The following TNRC6B variants were observed in gnomAD, a reference collection of about 807,000 sequenced individuals.
TNRC6B encodes trinucleotide repeat-containing gene 6B protein.
In TNRC6B, 52 loss-of-function variants were observed where a neutral mutation model predicts 203.6. The observed-to-expected ratio is 0.26, with a 90% CI of 0.20 to 0.32. TNRC6B has a LOEUF of 0.32. Among genes scored for constraint, TNRC6B ranks in the 10% least tolerant of loss-of-function variants. The pLI is 1.00. For synonymous variants in TNRC6B, 838 were observed against 845.7 expected (o/e 0.99, Z 0.16); for missense variants, 1,923 against 2,286.2 (o/e 0.84, Z 3.24).
intron 1 of TNRC6B, among the ~76,000 whole-genome samples, chr22:40,111,278 T>A (rs713639): frequency 6.6e-6 from 1 of 151,972 alleles, no homozygotes; most frequent in South Asian, 2.1e-4. Flanking sequence ...GCGAAGGCAG[T>A]GGGGCGAGCA....
chr22:40,335,468 G>A lies in TNRC6B; in HGVS notation c.*12227G>A, dbSNP rs1417172818. The A allele has an allele frequency of 1.4e-5, 2 of 146,368 alleles. No homozygotes were observed. The highest frequency in any genetic ancestry group is 1.4e-4 in the Admixed American group (2 of 14,724). The allele number at this position is 146,368 out of a possible 1,614,324, so 9.1% of individuals were successfully genotyped here. On this transcript the variant is annotated 3_prime_UTR_variant, in exon 23 of 23. Transcript: ENST00000454349. The stretch of plus-strand genomic sequence containing the variant: ...CCATAGCAGGTACTGTATTTCTCAT[G>A]CTGGATTTCAAAAAAAAAAAAAAAA...
Position 40,312,886 on chromosome 22 carries a change from T to A in TNRC6B, c.4583-16T>A, listed in dbSNP as rs749803811. On this transcript the variant is annotated splice_polypyrimidine_tract_variant and intron_variant, in intron 18 of 22. Coordinates refer to ENST00000454349, the MANE Select transcript of TNRC6B (RefSeq NM_001162501.2). ...ATTTATCTTCAGTATTTTCTTCTTGTTCTTTGTTACCCAAGGGTCTAATTC... is the reference window on the plus strand; with the variant it reads ...ATTTATCTTCAGTATTTTCTTCTTGATCTTTGTTACCCAAGGGTCTAATTC... 3 of 1,609,790 alleles carry A rather than the reference T, an allele frequency of 1.9e-6. No homozygotes were observed. The highest frequency in any genetic ancestry group is 2.5e-6 in the Non-Finnish European group (3 of 1,176,934).
chr22:40,114,388 A>G (rs1265189956), intron 1 of TNRC6B, among the ~76,000 whole-genome samples: 1 of 151,964 alleles, frequency 6.6e-6, no homozygotes, highest in Admixed American at 6.6e-5. Flanking sequence ...TGGTGTAATC[A>G]TGGTTCACTG....
chr22:40,072,313 C>T (rs983256294), intron 1 of TNRC6B, among the ~76,000 whole-genome samples: 2 of 152,048 alleles, frequency 1.3e-5, no homozygotes, highest in South Asian at 2.1e-4. Flanking sequence ...ACTTAAGAAA[C>T]GGGGTGTTGG....
In TNRC6B at chr22:40,264,931, G is replaced by A. The variant is rs1455314815; in HGVS notation, c.701G>A (p.Ser234Asn). ...TCTGAGAAGAGCACTCTGCCAGGAA[G>A]CACCACTAGTAACAAAGGAAAAGGG... ...PGSEKSTLPGSTTSNKGKGSQ... is the reference protein window; with the variant it reads ...PGSEKSTLPGNTTSNKGKGSQ... Residue 234 changes from serine to asparagine, a missense_variant, in exon 5 of 23, where the codon AGC becomes AAC. Around this residue, in one of 8 missense-constraint regions of TNRC6B, gnomAD observed 614 missense variants for 587.7 expected, o/e 1.04. Coordinates refer to ENST00000454349, the MANE Select transcript of TNRC6B (RefSeq NM_001162501.2). 1.2e-6 allele frequency: 2 copies of A among 1,613,928 alleles called. No homozygotes were observed.
intron 4 of TNRC6B, among the ~76,000 whole-genome samples, chr22:40,170,860 TAC>T (rs1259471780): frequency 7.9e-6 from 1 of 126,180 alleles, no homozygotes; most frequent in Non-Finnish European, 1.6e-5. Flanking sequence ...TGTGTATATA[TAC>T]ATATATGTAC....
At chr22:40,276,548 C>T (rs1259488092) in intron 7 of TNRC6B, among the ~76,000 whole-genome samples, 2 of 152,090 alleles carry the variant, frequency 1.3e-5, no homozygotes, top group African/African-American at 2.4e-5. Context: ...CTACTTTGCC[C>T]AGGAGATCAG....
Position 40,335,435 on chromosome 22 carries a change from A to AT in TNRC6B, c.*12200dup, listed in dbSNP as rs1380967651. ...AGCTGAAAAGTTGCATTTTATGTGT[A>AT]TTTTTTGCCATAGCAGGTACTGTAT... On this transcript the variant is annotated 3_prime_UTR_variant, in exon 23 of 23. Coordinates refer to ENST00000454349, the MANE Select transcript of TNRC6B (RefSeq NM_001162501.2). 30 of 149,392 alleles carry AT rather than the reference A, an allele frequency of 2.0e-4. No individual in the cohort carries two copies. The highest frequency in any genetic ancestry group is 7.2e-4 in the African/African-American group (29 of 40,514). The allele number at this position is 149,392 out of a possible 1,614,324, so 9.3% of individuals were successfully genotyped here.
chr22:40,292,868 CTTCTAAAGATCACT>C (rs2070886940), intron 12 of TNRC6B, among the ~76,000 whole-genome samples: 1 of 152,200 alleles, frequency 6.6e-6, no homozygotes, highest in African/African-American at 2.4e-5. Context: ...GAGCTGGTGG[CTTCTAAAGATCACT>C]TTCCTATGCT....
chr22:40,278,602 T>A (rs978657845), intron 9 of TNRC6B, among the ~76,000 whole-genome samples: 67 of 150,602 alleles, frequency 4.4e-4, no homozygotes, highest in African/African-American at 1.5e-3. Context: ...ACAGGTTAAC[T>A]GTGGAGCGTC....
At chr22:40,178,821 G>T (rs1482833723) in intron 1 of TNRC6B, among the ~76,000 whole-genome samples, 3 of 152,130 alleles carry the variant, frequency 2.0e-5, no homozygotes, top group East Asian at 1.9e-4. Flanking sequence ...CAAATGTGCA[G>T]CCAGATGCGC....
chr22:40,062,929 TA>T (rs1426584632), intron 1 of TNRC6B, among the ~76,000 whole-genome samples: 2 of 152,142 alleles, frequency 1.3e-5, no homozygotes, highest in Non-Finnish European at 2.9e-5. Context: ...TTAATTTTGA[TA>T]AAGTTCAGTT....
intron 3 of TNRC6B, among the ~76,000 whole-genome samples, chr22:40,140,759 A>G (rs1242570962): frequency 1.3e-5 from 2 of 151,798 alleles, no homozygotes; most frequent in African/African-American, 4.8e-5. Flanking sequence ...TCCTGCCTCA[A>G]ACTCCCAAGA....
intron 1 of TNRC6B, among the ~76,000 whole-genome samples, chr22:40,236,283 T>G (rs2069946671): frequency 6.6e-6 from 1 of 152,230 alleles, no homozygotes; most frequent in Admixed American, 6.5e-5. Context: ...CCTACCCCCC[T>G]TTGTATCCTC....
At chr22:40,314,736 T>C (rs2071233410) in intron 19 of TNRC6B, among the ~76,000 whole-genome samples, 1 of 152,236 alleles carries the variant, frequency 6.6e-6, no homozygotes, top group Admixed American at 6.5e-5. Context: ...GATAATTGTT[T>C]CTATTCCTCA....
chr22:40,081,075 G>C (rs1037240153), intron 1 of TNRC6B, among the ~76,000 whole-genome samples: 3 of 151,808 alleles, frequency 2.0e-5, no homozygotes, highest in Non-Finnish European at 4.4e-5. Flanking sequence ...TGGCCTGGCT[G>C]GTCTTAAACT....
At chr22:40,134,784 C>A (rs1688369055) in intron 3 of TNRC6B, among the ~76,000 whole-genome samples, 1 of 152,168 alleles carries the variant, frequency 6.6e-6, no homozygotes, top group African/African-American at 2.4e-5. Flanking sequence ...ATGTTACTAA[C>A]AGCAGAAACT....
chr22:40,279,460 G>A (rs112487090), intron 9 of TNRC6B, among the ~76,000 whole-genome samples: 15 of 152,200 alleles, frequency 9.9e-5, no homozygotes, highest in African/African-American at 2.9e-4. Flanking sequence ...AAATTGCACC[G>A]TGTAGGTAAT....
At chr22:40,281,325 A>G (rs1341278233) in intron 11 of TNRC6B, 36 bp downstream of exon 11, 7 of 1,504,490 alleles carry the variant, frequency 4.7e-6, no homozygotes, top group African/African-American at 4.2e-5. Flanking sequence ...CTGCTTGGCT[A>G]TGGCCTCGCC....
Sources: allele counts gnomAD v4.1 joint callset (sites outside exome capture counted in the v4.1 genomes callset), GRCh38; gene constraint gnomAD v4.1.1; regional missense constraint gnomAD v4.1.1; transcripts MANE v1.5; gene names NCBI Gene and HGNC (gene_info 2026-07-23, HGNC 2026-07-21).